The following ACSL3 variants were observed in gnomAD, a reference collection of about 807,000 sequenced individuals.
ACSL3 encodes the protein fatty acid CoA ligase Acsl3.
In ACSL3, 34 loss-of-function variants were observed where a neutral mutation model predicts 84.7. The ratio of observed to expected loss-of-function variants is 0.40; its 90% CI spans 0.31 to 0.53. The LOEUF (loss-of-function observed/expected upper bound fraction) is 0.53, where lower values mean the gene tolerates loss of function less well. Ranked by LOEUF, ACSL3 falls within the 20% of genes least tolerant of loss-of-function variation. The pLI, the probability that ACSL3 is intolerant of heterozygous loss-of-function variation, is 0.48. For missense variants in ACSL3, 680 were observed against 873.1 expected (o/e 0.78, Z 2.79); for synonymous variants, 315 against 299.4 (o/e 1.05, Z -0.54).
intron 3 of ACSL3, among the ~76,000 whole-genome samples, chr2:222,907,121 A>G (rs1696314082): frequency 6.6e-6 from 1 of 152,154 alleles, no homozygotes; most frequent in Admixed American, 6.6e-5. Context: ...TGAGTGGTCT[A>G]CTAGGCCATC....
At position 222,899,638 on chromosome 2, in the gene ACSL3, G is replaced by A. The variant is rs145325718; in HGVS notation, c.-147-1036G>A. Among the ~76,000 whole-genome samples, 783 of 152,204 alleles carry A rather than the reference G, an allele frequency of 5.1e-3. 9 individuals are homozygous for A. Among genetic ancestry groups the A allele is most frequent in the African/African-American group, 0.018 (743 of 41,508 alleles). ...AAGTTTATTAAGAACATAAAGTGGC[G>A]CAAGAATAGCTACTCCATAGACAGA... is the stretch of plus-strand genomic sequence containing the variant. On this transcript the variant is annotated intron_variant, in intron 2 of 16. Coordinates refer to ENST00000357430, the MANE Select transcript of ACSL3 (RefSeq NM_004457.5).
At chr2:222,922,079 G>T (rs1255759691) in intron 8 of ACSL3, among the ~76,000 whole-genome samples, 1 of 152,230 alleles carries the variant, frequency 6.6e-6, no homozygotes, top group Admixed American at 6.5e-5. Flanking sequence ...ATACATTTCA[G>T]AAAAAATTAA....
At chr2:222,903,939 A>AG (rs374987818) in intron 3 of ACSL3, among the ~76,000 whole-genome samples, 583 of 47,356 alleles carry the variant, frequency 0.012, 2 homozygotes, top group Middle Eastern at 0.052. Context: ...TTCCCTGAAT[A>AG]GTTAAAAAAA....
chr2:222,926,928 C>G (rs1696895989), intron 11 of ACSL3, 89 bp from the exon 12 acceptor site: 1 of 1,385,250 alleles, frequency 7.2e-7, no homozygotes, highest in African/African-American at 1.4e-5. Context: ...CTCAAAATCT[C>G]TCATATCAAA....
Position 222,916,468 on chromosome 2 carries a change from A to C in ACSL3, c.528A>C (p.Ala176=), listed in dbSNP as rs145651020. Reference sequence around the variant, plus strand: ...CCAGGGCCGAGTGGATGATAGCTGCACAGGCGTGTTTTATGTATAATTTTC... The same window carrying C: ...CCAGGGCCGAGTGGATGATAGCTGCCCAGGCGTGTTTTATGTATAATTTTC... The part of the protein sequence containing the change: ...CETRAEWMIA[A]QACFMYNFQL... Residue 176 remains alanine, a synonymous_variant, in exon 5 of 17, where the codon GCA becomes GCC. Transcript: ENST00000357430. The C allele has an allele frequency of 4.2e-5, 67 of 1,611,650 alleles. No homozygotes were observed. The highest frequency in any genetic ancestry group is 4.3e-5 in the Non-Finnish European group (51 of 1,178,892).
intron 3 of ACSL3, among the ~76,000 whole-genome samples, chr2:222,906,629 T>C (rs569144330): frequency 1.1e-4 from 16 of 152,218 alleles, no homozygotes; most frequent in Admixed American, 8.5e-4. Flanking sequence ...TTTTTTTTTT[T>C]TTTTTAGATG....
At chr2:222,881,058 A>T (rs571253978) in intron 1 of ACSL3, among the ~76,000 whole-genome samples, 1 of 152,198 alleles carries the variant, frequency 6.6e-6, no homozygotes, top group Non-Finnish European at 1.5e-5. Flanking sequence ...TGTTCAGAAG[A>T]CATGCCTTGA....
rs1048532633 is a variant in ACSL3 at position 222,916,607 on chromosome 2, T to C, written c.556+111T>C. 62 of 1,228,596 alleles carry C rather than the reference T, an allele frequency of 5.0e-5. No individual in the cohort carries two copies. In the Admixed American group the frequency reaches 1.6e-3, roughly 33 times the overall value. The allele number at this position is 1,228,596 out of a possible 1,614,324, so 76.1% of individuals were successfully genotyped here. A position where few individuals can be genotyped will look rare whatever the true frequency, so the allele number is the denominator to read the frequency against. The stretch of plus-strand genomic sequence containing the variant: ...TGTTAATTTTCACCCAGTGTCCAGT[T>C]AGTGGAGAACTCTGTTGTGACTTGG... On this transcript the variant is annotated intron_variant, in intron 5 of 16. Coordinates refer to ENST00000357430, the MANE Select transcript of ACSL3 (RefSeq NM_004457.5).
intron 5 of ACSL3, chr2:222,916,741 T>G: frequency 1.3e-5 from 4 of 311,810 alleles, no homozygotes; most frequent in Admixed American, 4.8e-5. Flanking sequence ...TCTTGAGAAC[T>G]AGACCTACAC....
In ACSL3 at chr2:222,924,684, A is replaced by G. The variant is rs1054843346; in HGVS notation, c.1292+89A>G. On this transcript the variant is annotated intron_variant, in intron 11 of 16. Coordinates refer to ENST00000357430, the MANE Select transcript of ACSL3 (RefSeq NM_004457.5). ...AATAGCCCAATTAATTGAGATAGTT[A>G]TAAGAAAGAAATATATTTCATAAAG... 57 of 1,309,378 alleles carry G rather than the reference A, an allele frequency of 4.4e-5. No homozygotes were observed. The South Asian group carries it at 6.5e-4, about 15-fold the overall frequency. 81.1% of individuals were successfully genotyped at this position (1,309,378 alleles called of 1,614,324 possible).
intron 16 of ACSL3, 111 bp from the exon 17 acceptor site, chr2:222,941,386 G>T: frequency 6.5e-6 from 5 of 771,876 alleles, no homozygotes; most frequent in East Asian, 5.4e-5. Flanking sequence ...GACATTCATG[G>T]TTCACTTGTT....
chr2:222,940,684 T>C (rs1050286540), intron 16 of ACSL3, among the ~76,000 whole-genome samples: 8 of 152,198 alleles, frequency 5.3e-5, no homozygotes, highest in African/African-American at 1.9e-4. Context: ...TACAATAACG[T>C]GCTGTGCGGG....
rs1246044011 is a variant in ACSL3 at position 222,942,649 on chromosome 2, A to G, written c.*995A>G. On this transcript the variant is annotated 3_prime_UTR_variant, in exon 17 of 17. Coordinates refer to ENST00000357430, the MANE Select transcript of ACSL3 (RefSeq NM_004457.5). ...TAGATAATCATTATTTCATTTTAAA[A>G]TTAGTGTTTTTCCTAGTTTGCACTG... The G allele has an allele frequency of 1.5e-5, 3 of 205,334 alleles. No homozygotes were observed. In the East Asian group the frequency reaches 2.3e-4, roughly 16 times the overall value. 12.7% of individuals were successfully genotyped at this position (205,334 alleles called of 1,614,324 possible). A position where few individuals can be genotyped will look rare whatever the true frequency, so the allele number is the denominator to read the frequency against.
chr2:222,915,212 T>C (rs1164334297), intron 4 of ACSL3, among the ~76,000 whole-genome samples: 2 of 152,120 alleles, frequency 1.3e-5, no homozygotes, highest in African/African-American at 4.8e-5. Flanking sequence ...CTCCCTGTGC[T>C]GAGCATTTCA....
chr2:222,902,268 G>A (rs569919633), intron 3 of ACSL3, among the ~76,000 whole-genome samples: 17 of 152,220 alleles, frequency 1.1e-4, no homozygotes, highest in African/African-American at 3.4e-4. Context: ...TAAAGACATT[G>A]ATGTAAGGGG....
chr2:222,881,878 A>G (rs1257245430), intron 1 of ACSL3, among the ~76,000 whole-genome samples: 1 of 152,216 alleles, frequency 6.6e-6, no homozygotes, highest in African/African-American at 2.4e-5. Flanking sequence ...CCTGTTAAAT[A>G]TAGAGGATGG....
chr2:222,871,018 A>G (rs971632107), intron 1 of ACSL3, among the ~76,000 whole-genome samples: 3 of 152,118 alleles, frequency 2.0e-5, no homozygotes, highest in Non-Finnish European at 4.4e-5. Context: ...AGGAATAGTT[A>G]AGGATACAGT....
chr2:222,891,032 C>T (rs190304408), intron 2 of ACSL3, among the ~76,000 whole-genome samples: 1 of 152,296 alleles, frequency 6.6e-6, no homozygotes, highest in Non-Finnish European at 1.5e-5. Flanking sequence ...CTCCTTAGTA[C>T]AGGTTCATGT....
intron 11 of ACSL3, among the ~76,000 whole-genome samples, chr2:222,925,536 G>A (rs1389864773): frequency 1.3e-5 from 2 of 151,978 alleles, no homozygotes; most frequent in Non-Finnish European, 2.9e-5. Context: ...AGGATTATTT[G>A]GGCCTGGGAG....
Sources: gnomAD v4.1 joint callset for allele counts (sites outside exome capture counted in the v4.1 genomes callset) on GRCh38, gnomAD v4.1.1 for gene constraint, MANE v1.5 for transcripts, NCBI Gene and HGNC (gene_info 2026-07-23, HGNC 2026-07-21) for gene names.